RHOH: variants seen among roughly 807,000 people sequenced by gnomAD.
The protein encoded by RHOH is ras homolog family member H.
RHOH carries 6 observed loss-of-function variants against 13.8 expected under a neutral mutation model. The observed-to-expected ratio is 0.44, with a 90% CI of 0.24 to 0.86. The LOEUF (loss-of-function observed/expected upper bound fraction) is 0.86. RHOH is among the 40% of genes least tolerant of loss of function. The pLI is 0.24. For missense variants in RHOH, 147 were observed against 244.5 expected, an observed-to-expected ratio of 0.60 and a Z score of 2.66; for synonymous variants, 117 against 103.0, an observed-to-expected ratio of 1.14 and a Z score of -0.82.
At chr4:40,195,415 T>C (rs1016601494), upstream of RHOH, among the ~76,000 whole-genome samples, 1 of 127,952 alleles carries the variant, frequency 7.8e-6, no homozygotes, top group Non-Finnish European at 1.7e-5. Flanking sequence ...CCTTCCTTCC[T>C]TCCCTCCCCT....
At chr4:40,195,097 C>T (rs1560675063), upstream of RHOH, among the ~76,000 whole-genome samples, 1 of 152,208 alleles carries the variant, frequency 6.6e-6, no homozygotes, top group Non-Finnish European at 1.5e-5. Flanking sequence ...CATACATTCT[C>T]TGTAATTAAC....
At chr4:40,191,446 A>T (rs895927741), upstream of RHOH, 1 of 152,234 alleles carries the variant, frequency 6.6e-6, no homozygotes, top group Non-Finnish European at 1.5e-5. Flanking sequence ...AGGATATTGT[A>T]AAAAGGGTCT....
chr4:40,225,981 C>T (rs1727180489), intron 1 of RHOH, among the ~76,000 whole-genome samples: 1 of 152,134 alleles, frequency 6.6e-6, no homozygotes, highest in African/African-American at 2.4e-5. Context: ...TGATATTGAC[C>T]ACATGCAGTC....
chr4:40,228,340 C>T (rs1327193565), intron 1 of RHOH, among the ~76,000 whole-genome samples: 1 of 151,998 alleles, frequency 6.6e-6, no homozygotes, highest in Non-Finnish European at 1.5e-5. Context: ...TTTTTATCTT[C>T]TTTGGATCAG....
intron 1 of RHOH, among the ~76,000 whole-genome samples, chr4:40,197,654 A>G: frequency 6.6e-6 from 1 of 152,300 alleles, no homozygotes; most frequent in African/African-American, 2.4e-5. Flanking sequence ...AGATGCTCTA[A>G]GTTGTGCAAA....
chr4:40,220,612 A>G (rs530348213), intron 1 of RHOH, among the ~76,000 whole-genome samples: 1 of 152,174 alleles, frequency 6.6e-6, no homozygotes, highest in Non-Finnish European at 1.5e-5. Context: ...CTAAGTAAAA[A>G]AAAAAATTTT....
chr4:40,201,258 C>G (rs150276122), intron 1 of RHOH, among the ~76,000 whole-genome samples: 87 of 152,132 alleles, frequency 5.7e-4, no homozygotes, highest in Middle Eastern at 3.4e-3. Flanking sequence ...TCTATCCCCC[C>G]CTTTTTTTTT....
intron 1 of RHOH, among the ~76,000 whole-genome samples, chr4:40,216,506 C>T (rs970488697): frequency 6.6e-6 from 1 of 152,028 alleles, no homozygotes; most frequent in Non-Finnish European, 1.5e-5. Context: ...AACATAAGGA[C>T]TTTTGACAAA....
intron 1 of RHOH, among the ~76,000 whole-genome samples, chr4:40,226,956 C>T (rs903044588): frequency 1.3e-5 from 2 of 152,152 alleles, no homozygotes; most frequent in Admixed American, 6.5e-5. Context: ...GTCAGGAGTT[C>T]GAGACCAGCC....
chr4:40,231,027 T>C (rs1727864996), intron 1 of RHOH, among the ~76,000 whole-genome samples: 2 of 152,122 alleles, frequency 1.3e-5, no homozygotes, highest in Admixed American at 1.3e-4. Context: ...AAATAGCACA[T>C]GCGTATCGTG....
chr4:40,197,979 C>T (rs2109344140), intron 1 of RHOH, among the ~76,000 whole-genome samples: 1 of 152,284 alleles, frequency 6.6e-6, no homozygotes, highest in East Asian at 1.9e-4. Context: ...AAGCAGGCAA[C>T]AAGTAGTTGG....
intron 1 of RHOH, among the ~76,000 whole-genome samples, chr4:40,237,107 T>C (rs1271752450): frequency 2.0e-5 from 3 of 152,180 alleles, no homozygotes; most frequent in Non-Finnish European, 2.9e-5. Flanking sequence ...GGTTACACCT[T>C]TTTTTTCTAA....
intron 1 of RHOH, among the ~76,000 whole-genome samples, chr4:40,239,431 C>G (rs377417465): frequency 6.6e-6 from 1 of 152,296 alleles, no homozygotes; most frequent in East Asian, 1.9e-4. Context: ...GCTGGAGAAA[C>G]CTCTTTTGTG....
chr4:40,221,593 GAT>G (rs2109455897), intron 1 of RHOH, among the ~76,000 whole-genome samples: 1 of 152,268 alleles, frequency 6.6e-6, no homozygotes, highest in Non-Finnish European at 1.5e-5. Context: ...GCCCATATAA[GAT>G]AGCAAACTTA....
chr4:40,211,968 T>C (rs1725321755), intron 1 of RHOH, among the ~76,000 whole-genome samples: 1 of 152,216 alleles, frequency 6.6e-6, no homozygotes, highest in Admixed American at 6.5e-5. Flanking sequence ...TTCCTCCAGC[T>C]GGACTATGCT....
rs1723247768 is a variant in RHOH, at chr4:40,197,224, C to T, written c.-407C>T. 6.6e-6 allele frequency: 1 copy of T among 152,164 alleles called. No homozygotes were observed. Among genetic ancestry groups the T allele is most frequent in the African/African-American group, 2.4e-5 (1 of 41,428 alleles). 9.4% of individuals were successfully genotyped at this position (152,164 alleles called of 1,614,324 possible). ...AGGCTTGGGCCGCTTTTGTTTTCAC[C>T]TGCTTTTGTTGAACAAATTTGATTT... On this transcript the variant is annotated 5_prime_UTR_variant, in exon 1 of 3. Transcript: ENST00000381799.
chr4:40,230,073 CT>C (rs1379553672), intron 1 of RHOH, among the ~76,000 whole-genome samples: 1 of 151,840 alleles, frequency 6.6e-6, no homozygotes, highest in African/African-American at 2.4e-5. Flanking sequence ...GAGACGGAGT[CT>C]CACTCTGCCA....
At chr4:40,194,063 T>C (rs1449377859), upstream of RHOH, among the ~76,000 whole-genome samples, 1 of 152,134 alleles carries the variant, frequency 6.6e-6, no homozygotes, top group Non-Finnish European at 1.5e-5. Flanking sequence ...TCCTCTGCTT[T>C]CTGAAGGGGA....
At chr4:40,197,520 A>C (rs2109341208) in intron 1 of RHOH, among the ~76,000 whole-genome samples, 1 of 152,256 alleles carries the variant, frequency 6.6e-6, no homozygotes, top group Non-Finnish European at 1.5e-5. Context: ...AAACATGAAA[A>C]GTTACAATAG....
Sources: gnomAD v4.1 joint callset for allele counts (sites outside exome capture counted in the v4.1 genomes callset) on GRCh38, gnomAD v4.1.1 for gene constraint, MANE v1.5 for transcripts, NCBI Gene and HGNC (gene_info 2026-07-23, HGNC 2026-07-21) for gene names.